CARD19: variants seen among roughly 807,000 people sequenced by gnomAD.
CARD19 encodes the protein caspase recruitment domain-containing protein 19.
In CARD19, 25 loss-of-function variants were observed where a neutral mutation model predicts 24.1. The observed-to-expected ratio is 1.04, with a 90% CI of 0.76 to 1.45. The LOEUF (loss-of-function observed/expected upper bound fraction) is 1.45. Among genes scored for constraint, CARD19 ranks in the 40% most tolerant of loss-of-function variants. The pLI is 0.00. For missense variants in CARD19, 241 were observed against 247.4 expected (o/e 0.97, Z 0.17); for synonymous variants, 103 against 104.9 (o/e 0.98, Z 0.11).
At chr9:93,111,079 T>G in intron 3 of CARD19, 2 of 1,319,810 alleles carry the variant, frequency 1.5e-6, no homozygotes, top group Non-Finnish European at 2.0e-6. Context: ...AGCAACCTTG[T>G]TCCCACAGCT....
chr9:93,105,137 C>G (rs573412023), intron 1 of CARD19, among the ~76,000 whole-genome samples: 35 of 151,920 alleles, frequency 2.3e-4, no homozygotes, highest in Admixed American at 2.2e-3. Flanking sequence ...TTTGCTGCAT[C>G]CCTTAGGTTT....
At chr9:93,105,342 A>T (rs1827216567) in intron 1 of CARD19, among the ~76,000 whole-genome samples, 1 of 152,122 alleles carries the variant, frequency 6.6e-6, no homozygotes, top group African/African-American at 2.4e-5. Context: ...GTGCAGTGGC[A>T]CAAATTCAGC....
Position 93,096,233 on chromosome 9 carries a change from G to C in CARD19, c.-113G>C. 1 of 1,128,930 alleles carries C rather than the reference G, an allele frequency of 8.9e-7. No individual in the cohort carries two copies. Among genetic ancestry groups the C allele is most frequent in the Non-Finnish European group, 1.1e-6 (1 of 897,768 alleles). The allele number at this position is 1,128,930 out of a possible 1,614,324, so 69.9% of individuals were successfully genotyped here. A position where few individuals can be genotyped will look rare whatever the true frequency, so the allele number is the denominator to read the frequency against. ...TGGCCTAGCCAAAAGGGGCGGGCGA[G>C]CACGGCCCGCGGGCGGCGTTCGCTG... On this transcript the variant is annotated 5_prime_UTR_variant, in exon 1 of 6. Transcript: ENST00000375464. The surrounding 1 kb of genome is among the most constrained non-coding windows in gnomAD (Gnocchi z 5.4).
At chr9:93,109,685 C>T (rs535130933) in intron 2 of CARD19, among the ~76,000 whole-genome samples, 2 of 152,150 alleles carry the variant, frequency 1.3e-5, no homozygotes, top group South Asian at 4.1e-4. Context: ...AGGCTGGTGT[C>T]AAACTCCTGA....
chr9:93,100,413 G>A (rs979419334), intron 1 of CARD19, among the ~76,000 whole-genome samples: 1 of 152,172 alleles, frequency 6.6e-6, no homozygotes, highest in African/African-American at 2.4e-5. Flanking sequence ...CAGGTTAAAC[G>A]ATTCACCTGC....
At chr9:93,111,033 C>T in intron 3 of CARD19, 2 of 1,427,702 alleles carry the variant, frequency 1.4e-6, no homozygotes, top group South Asian at 2.4e-5. Flanking sequence ...CTTTTCTAAC[C>T]TCATTCCACG....
At chr9:93,108,014 A>C (rs1160984916) in intron 2 of CARD19, among the ~76,000 whole-genome samples, 198 bp downstream of exon 2, 1 of 152,216 alleles carries the variant, frequency 6.6e-6, no homozygotes, top group Non-Finnish European at 1.5e-5. Flanking sequence ...GGTGAGCCCA[A>C]CCAGGCTCGG....
At chr9:93,109,682 T>C (rs1827388361) in intron 2 of CARD19, among the ~76,000 whole-genome samples, 1 of 152,082 alleles carries the variant, frequency 6.6e-6, no homozygotes. Flanking sequence ...GCCAGGCTGG[T>C]GTCAAACTCC....
intron 2 of CARD19, chr9:93,110,318 A>G (rs1587650467): frequency 1.9e-6 from 1 of 535,218 alleles, no homozygotes; most frequent in South Asian, 2.9e-5. Context: ...CTTTGTGACC[A>G]CTCCCAGCCT....
chr9:93,111,814 G>C, intron 3 of CARD19, 65 bp from the exon 4 acceptor site: 1 of 1,586,170 alleles, frequency 6.3e-7, no homozygotes, highest in South Asian at 1.1e-5. Flanking sequence ...GGCTTCCTGC[G>C]GGGTGACTAC....
At chr9:93,111,319 T>C (rs2130731871) in intron 3 of CARD19, 1 of 1,131,262 alleles carries the variant, frequency 8.8e-7, no homozygotes, top group Non-Finnish European at 1.1e-6. Context: ...GCTGCTGGGA[T>C]GTGGGGGGCA....
rs577358201 is a variant in CARD19, at chr9:93,100,948, A to G, written c.7+4596A>G. On this transcript the variant is annotated intron_variant, in intron 1 of 5. Coordinates refer to ENST00000375464, the MANE Select transcript of CARD19 (RefSeq NM_032310.5). ...GTAATATTCCATTGTACATAGGTAT[A>G]TACCACATTTTGATAATTCATTCGT... is the stretch of plus-strand genomic sequence containing the variant. Among the ~76,000 whole-genome samples, 136 of 152,252 alleles carry G rather than the reference A, an allele frequency of 8.9e-4. 1 individual carries two copies. The highest frequency in any genetic ancestry group is 6.5e-5 in the Admixed American group (1 of 15,292).
rs1827521366 is a variant in CARD19 at position 93,112,203 on chromosome 9, C to G, written c.365-15C>G. The G allele has an allele frequency of 6.5e-7, 1 of 1,544,114 alleles. No individual in the cohort carries two copies. Among genetic ancestry groups the G allele is most frequent in the Non-Finnish European group, 8.7e-7 (1 of 1,146,834 alleles). Reference sequence around the variant, plus strand: ...GAGGCCCAGGGGAGCCCTGTTCACGCTGGTTTCTCCCCAGGACCCATGAGC... The same window carrying G: ...GAGGCCCAGGGGAGCCCTGTTCACGGTGGTTTCTCCCCAGGACCCATGAGC... On this transcript the variant is annotated splice_polypyrimidine_tract_variant and intron_variant, in intron 4 of 5. Coordinates refer to ENST00000375464, the MANE Select transcript of CARD19 (RefSeq NM_032310.5).
At chr9:93,112,884 C>T in intron 5 of CARD19, 108 bp from the exon 6 acceptor site, 2 of 673,236 alleles carry the variant, frequency 3.0e-6, no homozygotes, top group South Asian at 4.0e-5. Context: ...CGGGAGGGAG[C>T]ACCCTGTCCC....
At chr9:93,112,084 C>G in intron 4 of CARD19, 134 bp from the exon 5 acceptor site, 1 of 1,303,524 alleles carries the variant, frequency 7.7e-7, no homozygotes, top group East Asian at 2.5e-5. Context: ...GACCCCCCCC[C>G]TAAGGTGCTC....
chr9:93,112,947 T>C (rs1384863765), intron 5 of CARD19, 45 bp from the exon 6 acceptor site: 1 of 1,396,094 alleles, frequency 7.2e-7, no homozygotes, highest in South Asian at 1.2e-5. Flanking sequence ...AGAATTCACC[T>C]CTGGGACTGG....
At position 93,113,097 on chromosome 9, in the gene CARD19, G is replaced by T. The variant is rs765455441; in HGVS notation, c.542G>T (p.Gly181Val). 14 of 1,573,674 alleles carry T rather than the reference G, an allele frequency of 8.9e-6. No individual in the cohort carries two copies. The East Asian group carries it at 1.4e-4, about 16-fold the overall frequency. Residue 181 changes from glycine to valine, a missense_variant, in exon 6 of 6, where the codon GGG becomes GTG. Transcript: ENST00000375464. ...YLLAFLADDL[G>V]GL ...CTGGCCTTCCTGGCAGATGACCTAGGGGGGCTCTGACAGACCCTGGACCCA... is the reference window on the plus strand; with the variant it reads ...CTGGCCTTCCTGGCAGATGACCTAGTGGGGCTCTGACAGACCCTGGACCCA...
At chr9:93,105,966 GTTTGCTTCATATA>G (rs1440910812) in intron 1 of CARD19, among the ~76,000 whole-genome samples, 3 of 152,120 alleles carry the variant, frequency 2.0e-5, no homozygotes, top group Non-Finnish European at 2.9e-5. Flanking sequence ...TTCTGCCAGT[GTTTGCTTCATATA>G]TTTTGAAGCT....
At chr9:93,112,939 A>T in intron 5 of CARD19, 53 bp from the exon 6 acceptor site, 1 of 1,306,470 alleles carries the variant, frequency 7.7e-7, no homozygotes, top group Non-Finnish European at 1.1e-6. Flanking sequence ...GGAAACACAG[A>T]ATTCACCTCT....
Sources: allele counts gnomAD v4.1 joint callset (sites outside exome capture counted in the v4.1 genomes callset), GRCh38; gene constraint gnomAD v4.1.1; non-coding constraint Gnocchi (gnomAD v3.1); transcripts MANE v1.5; gene names NCBI Gene and HGNC (gene_info 2026-07-23, HGNC 2026-07-21).